PSEN1: variants seen among roughly 807,000 people sequenced by gnomAD.
PSEN1 encodes the protein presenilin-1.
PSEN1 carries 15 observed loss-of-function variants against 53.5 expected under a neutral mutation model. The ratio of observed to expected loss-of-function variants is 0.28; its 90% CI spans 0.19 to 0.43. The LOEUF (loss-of-function observed/expected upper bound fraction) is 0.43, where lower values mean the gene tolerates loss of function less well. PSEN1 is among the 20% of genes least tolerant of loss of function. PSEN1 has a pLI of 1.00. For missense variants in PSEN1, 387 were observed against 571.2 expected, an observed-to-expected ratio of 0.68 and a Z score of 3.29; for synonymous variants, 208 against 209.8, an observed-to-expected ratio of 0.99 and a Z score of 0.08.
chr14:73,195,548 A>G lies in PSEN1; in HGVS notation c.770-2483A>G, dbSNP rs953031129. ...TCAGTTATGAAGATTAAATTAAATG[A>G]TCCATTTAATACAATAATACACTTA... On this transcript the variant is annotated intron_variant, in intron 7 of 11. Transcript: ENST00000324501. Among the ~76,000 whole-genome samples the G allele has an allele frequency of 6.8e-4, 103 of 152,128 alleles. 4 individuals carry two copies. Among genetic ancestry groups the G allele is most frequent in the Non-Finnish European group, 1.5e-5 (1 of 68,028 alleles).
At chr14:73,151,395 G>A (rs1238308943) in intron 3 of PSEN1, among the ~76,000 whole-genome samples, 1 of 152,142 alleles carries the variant, frequency 6.6e-6, no homozygotes, top group African/African-American at 2.4e-5. Context: ...AACTATTTTA[G>A]AGATTGCTAG....
At chr14:73,181,584 C>A (rs1484266652) in intron 5 of PSEN1, among the ~76,000 whole-genome samples, 2 of 152,066 alleles carry the variant, frequency 1.3e-5, no homozygotes, top group African/African-American at 2.4e-5. Context: ...CATAGTGAGA[C>A]CCCAGTCTCT....
In PSEN1 at chr14:73,185,478, G is replaced by A. The variant is rs981322528; in HGVS notation, c.481-1375G>A. ...GGCGTGGCGGCGTGAGTCTGCAATC[G>A]CAGGCACTCGGCAGGCTGAGTCAGG... is the stretch of plus-strand genomic sequence containing the variant. On this transcript the variant is annotated intron_variant, in intron 5 of 11. Transcript: ENST00000324501. 1.1e-4 allele frequency among the ~76,000 whole-genome samples: 16 copies of A among 152,324 alleles called. 1 individual carries two copies. The highest frequency in any genetic ancestry group is 5.2e-4 in the Admixed American group (8 of 15,298).
chr14:73,140,780 G>A (rs80043006), intron 1 of PSEN1, among the ~76,000 whole-genome samples: 469 of 152,162 alleles, frequency 3.1e-3, no homozygotes, highest in Non-Finnish European at 5.3e-3. Flanking sequence ...GTCTTTGTTC[G>A]TTTTTATTGC....
At position 73,192,991 on chromosome 14, in the gene PSEN1, A is replaced by G. The variant is rs1046069770; in HGVS notation, c.769+127A>G. The G allele has an allele frequency of 3.8e-6, 3 of 781,876 alleles. No individual in the cohort carries two copies. The African/African-American group carries it at 5.1e-5, about 13-fold the overall frequency. 48.4% of individuals were successfully genotyped at this position (781,876 alleles called of 1,614,324 possible). Reference sequence around the variant, plus strand: ...ACATCCCATAACTCTTCAGTAAATCATTAATTAGCTATAGTAACTTTTTCA... The same window carrying G: ...ACATCCCATAACTCTTCAGTAAATCGTTAATTAGCTATAGTAACTTTTTCA... On this transcript the variant is annotated intron_variant, in intron 7 of 11. Coordinates refer to ENST00000324501, the MANE Select transcript of PSEN1 (RefSeq NM_000021.4).
In PSEN1 at chr14:73,220,669, C is replaced by G. The variant is rs181825217; in HGVS notation, c.*1380C>G. The G allele has an allele frequency of 6.6e-6, 1 of 152,214 alleles. No individual in the cohort carries two copies. Among genetic ancestry groups the G allele is most frequent in the Admixed American group, 6.5e-5 (1 of 15,270 alleles). The allele number at this position is 152,214 out of a possible 1,614,324, so 9.4% of individuals were successfully genotyped here. On this transcript the variant is annotated 3_prime_UTR_variant, in exon 12 of 12. Coordinates refer to ENST00000324501, the MANE Select transcript of PSEN1 (RefSeq NM_000021.4). ...TCAAGGAGGAGTTTCAGGTTATTCTCGTCAGCTCCACAAATGGGTGCTTTG... is the reference window on the plus strand; with the variant it reads ...TCAAGGAGGAGTTTCAGGTTATTCTGGTCAGCTCCACAAATGGGTGCTTTG...
At position 73,192,863 on chromosome 14, in the gene PSEN1, T is replaced by C. The variant is rs995701621; in HGVS notation, c.768T>C (p.Tyr256=). The C allele has an allele frequency of 6.2e-6, 10 of 1,602,800 alleles. No homozygotes were observed. Among genetic ancestry groups the C allele is most frequent in the Non-Finnish European group, 7.7e-6 (9 of 1,169,886 alleles). ...TCATCTTGGCTGTGATTTCAGTATA[T>C]GGTAAAACCCAAGACTGATAATTTG... The part of the protein sequence containing the change: ...AWLILAVISV[Y]DLVAVLCPKG... The change falls in exon 7 of 12, where the codon TAT becomes TAC. Residue 256 remains tyrosine, a splice_region_variant and synonymous_variant. Coordinates refer to ENST00000324501, the MANE Select transcript of PSEN1 (RefSeq NM_000021.4).
rs544352893 is a variant in PSEN1 at position 73,146,638 on chromosome 14, T to C, written c.-135-1157T>C. Among the ~76,000 whole-genome samples the C allele has an allele frequency of 2.2e-4, 34 of 152,314 alleles. No homozygotes were observed. In the South Asian group the frequency reaches 3.3e-3, roughly 15 times the overall value. ...CAAATATAAGTAGTTAAGGGTTATT[T>C]TGAACTTGATACCTTTGCTGGAGGA... On this transcript the variant is annotated intron_variant, in intron 1 of 11. Coordinates refer to ENST00000324501, the MANE Select transcript of PSEN1 (RefSeq NM_000021.4).
intron 5 of PSEN1, among the ~76,000 whole-genome samples, chr14:73,175,500 T>C (rs1318486805): frequency 6.6e-6 from 1 of 152,190 alleles, no homozygotes; most frequent in East Asian, 1.9e-4. Flanking sequence ...AAATTAACTT[T>C]CCAAATGTAG....
intron 1 of PSEN1, among the ~76,000 whole-genome samples, chr14:73,145,827 T>C (rs1243311378): frequency 6.6e-6 from 1 of 152,116 alleles, no homozygotes; most frequent in Non-Finnish European, 1.5e-5. Context: ...GGAACAGGGC[T>C]GGTTCGTGGT....
At chr14:73,185,389 C>T (rs1239698121) in intron 5 of PSEN1, among the ~76,000 whole-genome samples, 2 of 152,208 alleles carry the variant, frequency 1.3e-5, no homozygotes, top group South Asian at 2.1e-4. Context: ...GGATCACTTG[C>T]GGTTAGGGGC....
intron 10 of PSEN1, among the ~76,000 whole-genome samples, chr14:73,216,868 C>T (rs570749341): frequency 1.8e-4 from 28 of 151,958 alleles, no homozygotes; most frequent in Non-Finnish European, 2.6e-4. Context: ...CAATAGATGA[C>T]GATTATTACT....
At chr14:73,140,426 G>A (rs1258757248) in intron 1 of PSEN1, among the ~76,000 whole-genome samples, 1 of 151,824 alleles carries the variant, frequency 6.6e-6, no homozygotes, top group East Asian at 1.9e-4. Flanking sequence ...GGCCAGGCTG[G>A]TCTCGAACTC....
intron 5 of PSEN1, among the ~76,000 whole-genome samples, chr14:73,182,875 A>G (rs1273787093): frequency 4.6e-5 from 7 of 152,140 alleles, no homozygotes; most frequent in African/African-American, 2.4e-5. Flanking sequence ...AAAGAAATAA[A>G]TAAGAACATC....
intron 5 of PSEN1, among the ~76,000 whole-genome samples, chr14:73,176,942 C>T (rs2140051347): frequency 6.6e-6 from 1 of 152,330 alleles, no homozygotes; most frequent in East Asian, 1.9e-4. Flanking sequence ...TTCATGCCTC[C>T]ATGGAAACTG....
intron 3 of PSEN1, among the ~76,000 whole-genome samples, chr14:73,163,501 A>G (rs180849770): frequency 6.6e-6 from 1 of 152,390 alleles, no homozygotes; most frequent in African/African-American, 2.4e-5. Flanking sequence ...AGGAGACACT[A>G]GAGATCCAGC....
chr14:73,211,957 C>G lies in PSEN1; in HGVS notation c.1129+15C>G. 1 of 1,613,444 alleles carries G rather than the reference C, an allele frequency of 6.2e-7. No individual in the cohort carries two copies. Among genetic ancestry groups the G allele is most frequent in the Non-Finnish European group, 8.5e-7 (1 of 1,179,656 alleles). ...CCCAGAGGAAAGTATGTGCATTTCT[C>G]TATGTTGCAAAGTCATGGATTCCTT... is the stretch of plus-strand genomic sequence containing the variant. On this transcript the variant is annotated intron_variant, in intron 10 of 11. Transcript: ENST00000324501.
At chr14:73,215,788 C>T (rs1899889788) in intron 10 of PSEN1, among the ~76,000 whole-genome samples, 1 of 152,094 alleles carries the variant, frequency 6.6e-6, no homozygotes, top group South Asian at 2.1e-4. Context: ...ATGAAAAAGG[C>T]TAACAATACC....
At chr14:73,148,333 T>G (rs1254902046) in intron 3 of PSEN1, among the ~76,000 whole-genome samples, 1 of 152,250 alleles carries the variant, frequency 6.6e-6, no homozygotes, top group Non-Finnish European at 1.5e-5. Context: ...GTTGAAGCCT[T>G]CTCCAGCTTC....
Sources: gnomAD v4.1 joint callset for allele counts (sites outside exome capture counted in the v4.1 genomes callset) on GRCh38, gnomAD v4.1.1 for gene constraint, MANE v1.5 for transcripts, NCBI Gene and HGNC (gene_info 2026-07-23, HGNC 2026-07-21) for gene names.